SLC39A8: variants seen among roughly 807,000 people sequenced by gnomAD.
SLC39A8 encodes metal cation symporter ZIP8.
A neutral mutation model predicts 40.4 loss-of-function variants in SLC39A8; 15 were observed. That is an observed-to-expected ratio of 0.37 (90% CI 0.25 to 0.57). The LOEUF is 0.57. SLC39A8 is among the 20% of genes least tolerant of loss of function. SLC39A8 has a pLI of 0.75. For synonymous variants in SLC39A8, 223 were observed against 221.6 expected, an observed-to-expected ratio of 1.01 and a Z score of -0.06; for missense variants, 472 against 558.8, an observed-to-expected ratio of 0.84 and a Z score of 1.57.
intron 2 of SLC39A8, among the ~76,000 whole-genome samples, chr4:102,320,185 ATATATG>A (rs1171178012): frequency 5.1e-4 from 48 of 94,020 alleles, no homozygotes; most frequent in African/African-American, 1.7e-3. Context: ...ATATATATAT[ATATATG>A]TATATATATA....
exon 12 of SLC39A8, chr4:102,253,172 GAGGGC>G (rs1731630655): frequency 2.7e-6 from 1 of 370,084 alleles, no homozygotes; most frequent in Non-Finnish European, 4.8e-6. Flanking sequence ...GGCGAGCGGG[GAGGGC>G]GGCGGGGAAC....
chr4:102,313,431 T>C (rs2149039220), intron 3 of SLC39A8, among the ~76,000 whole-genome samples: 1 of 152,206 alleles, frequency 6.6e-6, no homozygotes, highest in South Asian at 2.1e-4. Context: ...GTTGTTGTTA[T>C]TTCTTTTATT....
chr4:102,276,053 C>A (rs917487125), intron 6 of SLC39A8, among the ~76,000 whole-genome samples: 2 of 152,064 alleles, frequency 1.3e-5, no homozygotes, highest in African/African-American at 2.4e-5. Flanking sequence ...AAAATTGACA[C>A]CCTAATATCA....
intron 2 of SLC39A8, among the ~76,000 whole-genome samples, chr4:102,326,003 T>C (rs537056750): frequency 5.3e-5 from 8 of 152,270 alleles, no homozygotes; most frequent in African/African-American, 1.9e-4. Flanking sequence ...TCTTTTAGAC[T>C]CCTAAAAGTG....
At chr4:102,274,961 T>G (rs972842481) in intron 6 of SLC39A8, among the ~76,000 whole-genome samples, 1 of 152,004 alleles carries the variant, frequency 6.6e-6, no homozygotes, top group African/African-American at 2.4e-5. Flanking sequence ...GCAGTAAATA[T>G]GGAAAGGAAC....
Position 102,333,231 on chromosome 4 carries a change from G to T in SLC39A8, c.219+11213C>A, listed in dbSNP as rs533351053. ...AAGACTGGAAGAAATGTAGAGGAAA[G>T]AGATATGTGAGGCAAGACTGGATGC... On this transcript the variant is annotated intron_variant, in intron 2 of 8. Transcript: ENST00000356736. Among the ~76,000 whole-genome samples, 42 of 152,222 alleles carry T rather than the reference G, an allele frequency of 2.8e-4. 1 individual carries two copies. In the South Asian group the frequency reaches 6.9e-3, roughly 25 times the overall value.
chr4:102,266,483 C>T (rs139464062), intron 8 of SLC39A8, among the ~76,000 whole-genome samples: 7 of 152,258 alleles, frequency 4.6e-5, no homozygotes, highest in African/African-American at 1.4e-4. Context: ...GTATGTAATA[C>T]ATCCAGTTCC....
At chr4:102,313,331 T>C (rs1312068292) in intron 3 of SLC39A8, among the ~76,000 whole-genome samples, 1 of 152,170 alleles carries the variant, frequency 6.6e-6, no homozygotes, top group Non-Finnish European at 1.5e-5. Context: ...ATGAAATTAA[T>C]ATATGAATAT....
In SLC39A8 at chr4:102,263,048, T is replaced by C. The variant is rs768387890; in HGVS notation, c.1379A>G (p.Glu460Gly). 6.2e-7 allele frequency: 1 copy of C among 1,606,302 alleles called. No individual in the cohort carries two copies. The highest frequency in any genetic ancestry group is 1.7e-5 in the Admixed American group (1 of 59,358). Residue 460 changes from glutamate to glycine, a missense_variant, in exon 9 of 9, where the codon GAG becomes GGG. Around this residue, in one of 4 missense-constraint regions of SLC39A8, gnomAD observed 50 missense variants for 50.5 expected, o/e 0.99. Coordinates refer to ENST00000356736, the MANE Select transcript of SLC39A8 (RefSeq NM_001135146.2). ...ITLYAGEIELE is the reference protein window; with the variant it reads ...ITLYAGEIELG The stretch of plus-strand genomic sequence containing the variant: ...AACACCATCTTCCATTTTCTATTAC[T>C]CCAATTCGATTTCTCCTGCATACAA...
At chr4:102,314,072 C>T (rs1055100338) in intron 3 of SLC39A8, among the ~76,000 whole-genome samples, 1 of 152,052 alleles carries the variant, frequency 6.6e-6, no homozygotes, top group African/African-American at 2.4e-5. Context: ...CACTCCCTTC[C>T]TCTACAATAA....
intron 8 of SLC39A8, among the ~76,000 whole-genome samples, chr4:102,266,273 T>G (rs56215225): frequency 0.093 from 14,151 of 152,192 alleles, 716 homozygotes; most frequent in South Asian, 0.19. Flanking sequence ...TCTAGTAAGA[T>G]TCCATTCTTA....
intron 3 of SLC39A8, among the ~76,000 whole-genome samples, chr4:102,310,526 C>G (rs1313189820): frequency 6.6e-6 from 1 of 152,128 alleles, no homozygotes; most frequent in African/African-American, 2.4e-5. Flanking sequence ...AAAAGAAATA[C>G]CAATCGATCT....
chr4:102,344,588 T>C lies in SLC39A8; in HGVS notation c.75A>G (p.Pro25=), dbSNP rs1432008254. 5 of 1,546,002 alleles carry C rather than the reference T, an allele frequency of 3.2e-6. No individual in the cohort carries two copies. Among genetic ancestry groups the C allele is most frequent in the Non-Finnish European group, 4.4e-6 (5 of 1,145,690 alleles). The part of the protein sequence containing the change: ...AAGLGGVAEG[P]GLAFSEDVLS... Reference sequence around the variant, plus strand: ...GCACATCCTCGCTGAAGGCTAGCCCTGGCCCCTCCGCCACTCCTCCGAGGC... The same window carrying C: ...GCACATCCTCGCTGAAGGCTAGCCCCGGCCCCTCCGCCACTCCTCCGAGGC... Residue 25 remains proline (P), a synonymous_variant, in exon 2 of 9, where the codon CCA becomes CCG. Transcript: ENST00000356736.
chr4:102,345,019 G>A (rs1736116308), intron 1 of SLC39A8, 104 bp from the exon 2 acceptor site: 1 of 669,920 alleles, frequency 1.5e-6, no homozygotes. Context: ...CGCCCGGCCG[G>A]GCATGGGGCC....
At chr4:102,321,341 G>A (rs879850344) in intron 2 of SLC39A8, among the ~76,000 whole-genome samples, 1 of 152,140 alleles carries the variant, frequency 6.6e-6, no homozygotes, top group Non-Finnish European at 1.5e-5. Flanking sequence ...ATAAAAGGGA[G>A]GGTCCTCGGA....
chr4:102,319,286 T>G (rs1451339436), intron 2 of SLC39A8, among the ~76,000 whole-genome samples: 1 of 152,192 alleles, frequency 6.6e-6, no homozygotes, highest in African/African-American at 2.4e-5. Flanking sequence ...GCTCAAGGAA[T>G]TAGGGCAAGT....
chr4:102,307,435 C>A lies in SLC39A8; in HGVS notation c.552+1G>T. On this transcript the variant is annotated splice_donor_variant, in intron 4 of 8. Coordinates refer to ENST00000356736, the MANE Select transcript of SLC39A8 (RefSeq NM_001135146.2). LOFTEE classifies it high-confidence loss of function. ...CAGAAACAAATAGCCAACATCCTTA[C>A]CTCTGGAATAAGTTGGAAAATTGCA... The A allele has an allele frequency of 6.2e-7, 1 of 1,612,986 alleles. No individual in the cohort carries two copies. The highest frequency in any genetic ancestry group is 8.5e-7 in the Non-Finnish European group (1 of 1,179,452).
chr4:102,324,273 T>C (rs1361023935), intron 2 of SLC39A8: 2 of 347,004 alleles, frequency 5.8e-6, no homozygotes, highest in South Asian at 2.0e-5. Context: ...TGCATGCCTG[T>C]AATCCCAGCT....
At chr4:102,275,110 T>G (rs1247911376) in intron 6 of SLC39A8, among the ~76,000 whole-genome samples, 2 of 152,002 alleles carry the variant, frequency 1.3e-5, no homozygotes, top group Non-Finnish European at 2.9e-5. Context: ...AATATTAAGC[T>G]TATATGTAAA....
Sources: allele counts gnomAD v4.1 joint callset (sites outside exome capture counted in the v4.1 genomes callset), GRCh38; gene constraint gnomAD v4.1.1; regional missense constraint gnomAD v4.1.1; transcripts MANE v1.5; gene names NCBI Gene and HGNC (gene_info 2026-07-23, HGNC 2026-07-21).